Variants in GALNT18 observed in about 807,000 individuals in gnomAD.
The protein encoded by GALNT18 is GalNAc-transferase 18.
In GALNT18, 44 loss-of-function variants were observed where a neutral mutation model predicts 69.5. The observed-to-expected ratio is 0.63, with a 90% CI of 0.50 to 0.81. The LOEUF (loss-of-function observed/expected upper bound fraction) is 0.81. Ranked by LOEUF, GALNT18 falls within the 40% of genes least tolerant of loss-of-function variation. GALNT18 has a pLI of 0.00. For synonymous variants in GALNT18, 364 were observed against 318.2 expected, an observed-to-expected ratio of 1.14 and a Z score of -1.53; for missense variants, 715 against 810.0, an observed-to-expected ratio of 0.88 and a Z score of 1.42.
In GALNT18 at chr11:11,621,822, T is replaced by C; in HGVS notation, c.-229A>G. On this transcript the variant is annotated 5_prime_UTR_variant, in exon 1 of 11. Coordinates refer to ENST00000227756, the MANE Select transcript of GALNT18 (RefSeq NM_198516.3). The surrounding 1 kb of genome is among the most constrained non-coding windows in gnomAD (Gnocchi z 9.3). Reference sequence around the variant, plus strand: ...ACCTTGACAAAGGAAACCAGGTGGATTTTTTTCCAAATTAAAAATCCCTGA... The same window carrying C: ...ACCTTGACAAAGGAAACCAGGTGGACTTTTTTCCAAATTAAAAATCCCTGA... The C allele has an allele frequency of 7.1e-6, 4 of 562,388 alleles. No homozygotes were observed. Among genetic ancestry groups the C allele is most frequent in the Non-Finnish European group, 1.3e-5 (4 of 316,150 alleles). 34.8% of individuals were successfully genotyped at this position (562,388 alleles called of 1,614,324 possible). A position where few individuals can be genotyped will look rare whatever the true frequency, so the allele number is the denominator to read the frequency against.
In GALNT18 at chr11:11,404,027, CA is replaced by C. The variant is rs1247644377; in HGVS notation, c.596-24764del. Among the ~76,000 whole-genome samples the C allele has an allele frequency of 4.6e-5, 7 of 152,232 alleles. No individual in the cohort carries two copies. The highest frequency in any genetic ancestry group is 2.0e-4 in the Admixed American group (3 of 15,286). On this transcript the variant is annotated intron_variant, in intron 3 of 10. Transcript: ENST00000227756. This position sits in a 1 kb window ranked among gnomAD's most constrained non-coding sequence, Gnocchi z 4.5. ...TCATGTGCAGTGGGCAGGATCCAGG[CA>C]GCCTGGCTCTTCTGAGGGAGCTGTG...
chr11:11,277,269 TTTC>T (rs2132979333), intron 10 of GALNT18, among the ~76,000 whole-genome samples: 1 of 152,358 alleles, frequency 6.6e-6, no homozygotes, highest in South Asian at 2.1e-4. Context: ...AATTTATCCA[TTTC>T]TTCTAGATTT....
chr11:11,403,596 G>T (rs1854516631), intron 3 of GALNT18, among the ~76,000 whole-genome samples: 2 of 152,192 alleles, frequency 1.3e-5, no homozygotes, highest in South Asian at 4.2e-4. Context: ...TTCTCCTTCT[G>T]AAAGTCCCCA....
At position 11,603,989 on chromosome 11, in the gene GALNT18, T is replaced by C. The variant is rs934237496; in HGVS notation, c.235+17370A>G. ...GAGGGTGGACCCTCATGAATGGGAT[T>C]ACTGTTCTTATGAAAGGAACCTCAG... is the stretch of plus-strand genomic sequence containing the variant. On this transcript the variant is annotated intron_variant, in intron 1 of 10. Transcript: ENST00000227756. The surrounding 1 kb of genome is among the most constrained non-coding windows in gnomAD (Gnocchi z 4.5). Among the ~76,000 whole-genome samples, 19 of 152,262 alleles carry C rather than the reference T, an allele frequency of 1.2e-4. No homozygotes were observed. The highest frequency in any genetic ancestry group is 2.6e-4 in the Non-Finnish European group (18 of 68,024).
intron 9 of GALNT18, among the ~76,000 whole-genome samples, chr11:11,317,591 T>C (rs563200239): frequency 1.9e-4 from 29 of 152,338 alleles, no homozygotes; most frequent in Admixed American, 6.5e-4. Context: ...TTATTTGTTT[T>C]TGCTTGTTGA....
chr11:11,442,282 T>G (rs187032745), intron 2 of GALNT18, among the ~76,000 whole-genome samples: 1 of 152,308 alleles, frequency 6.6e-6, no homozygotes. Context: ...GCCCTTGGGG[T>G]TAGATTGGGC....
Position 11,432,526 on chromosome 11 carries a change from A to T in GALNT18, c.595+95T>A. 1 of 1,260,650 alleles carries T rather than the reference A, an allele frequency of 7.9e-7. No individual in the cohort carries two copies. The allele number at this position is 1,260,650 out of a possible 1,614,324, so 78.1% of individuals were successfully genotyped here. Reference sequence around the variant, plus strand: ...TGCTCCAGAGAAAGAGCAGCCACAGACAGCCTTGAGCAAATGTGAACCACG... The same window carrying T: ...TGCTCCAGAGAAAGAGCAGCCACAGTCAGCCTTGAGCAAATGTGAACCACG... On this transcript the variant is annotated intron_variant, in intron 3 of 10. Transcript: ENST00000227756. The surrounding 1 kb of genome is among the most constrained non-coding windows in gnomAD (Gnocchi z 5.8).
Position 11,551,846 on chromosome 11 carries a change from T to G in GALNT18, c.235+69513A>C, listed in dbSNP as rs577622210. Among the ~76,000 whole-genome samples the G allele has an allele frequency of 8.3e-4, 127 of 152,098 alleles. 1 individual carries two copies. Among genetic ancestry groups the G allele is most frequent in the African/African-American group, 3.0e-3 (124 of 41,496 alleles). On this transcript the variant is annotated intron_variant, in intron 1 of 10. Coordinates refer to ENST00000227756, the MANE Select transcript of GALNT18 (RefSeq NM_198516.3). ...ATAGGTTTTGGGATAGGCGGTGGAG[T>G]TAGGAGCAATGTTCTGCGAGCAGGG... is the stretch of plus-strand genomic sequence containing the variant.
At chr11:11,405,802 G>A (rs80043204) in intron 3 of GALNT18, among the ~76,000 whole-genome samples, 3,100 of 152,320 alleles carry the variant, frequency 0.02, 95 homozygotes, top group African/African-American at 0.071. Context: ...CTCATGCAGC[G>A]ATGGGTAAGA....
intron 9 of GALNT18, among the ~76,000 whole-genome samples, chr11:11,326,232 G>C (rs1849915637): frequency 6.6e-6 from 1 of 151,976 alleles, no homozygotes; most frequent in South Asian, 2.1e-4. Flanking sequence ...TTTTAGTAGA[G>C]ATGGGGTTTC....
Position 11,549,225 on chromosome 11 carries a change from A to G in GALNT18, c.235+72134T>C, listed in dbSNP as rs113824710. 8.1e-3 allele frequency among the ~76,000 whole-genome samples: 1,231 copies of G among 152,346 alleles called. 4 individuals are homozygous for G. Among genetic ancestry groups the G allele is most frequent in the Middle Eastern group, 0.017 (5 of 294 alleles). On this transcript the variant is annotated intron_variant, in intron 1 of 10. Coordinates refer to ENST00000227756, the MANE Select transcript of GALNT18 (RefSeq NM_198516.3). ...GCTCAGGTTGAGGATGACAGCAACA[A>G]GCTAAAAAGGGCCCAGGCCTGTGAT...
At position 11,314,712 on chromosome 11, in the gene GALNT18, G is replaced by C. The variant is rs1849722111; in HGVS notation, c.1512+12374C>G. 6.6e-6 allele frequency among the ~76,000 whole-genome samples: 1 copy of C among 152,222 alleles called. No homozygotes were observed. Among genetic ancestry groups the C allele is most frequent in the Non-Finnish European group, 1.5e-5 (1 of 68,038 alleles). On this transcript the variant is annotated intron_variant, in intron 9 of 10. Coordinates refer to ENST00000227756, the MANE Select transcript of GALNT18 (RefSeq NM_198516.3). This position sits in a 1 kb window ranked among gnomAD's most constrained non-coding sequence, Gnocchi z 5.2. The stretch of plus-strand genomic sequence containing the variant: ...AGGGATAACTGCAGGCAGGTTCCAG[G>C]GGGCAGCTGTGAAAGTCCTTTGGGC...
At chr11:11,312,372 C>T (rs1849686749) in intron 9 of GALNT18, among the ~76,000 whole-genome samples, 1 of 152,120 alleles carries the variant, frequency 6.6e-6, no homozygotes, top group African/African-American at 2.4e-5. Flanking sequence ...ATACTGAATT[C>T]TTACAATAAA....
rs573199674 is a variant in GALNT18, at chr11:11,502,548, G to A, written c.236-53612C>T. Among the ~76,000 whole-genome samples the A allele has an allele frequency of 3.9e-5, 6 of 152,326 alleles. No homozygotes were observed. The East Asian group carries it at 1.2e-3, about 29-fold the overall frequency. On this transcript the variant is annotated intron_variant, in intron 1 of 10. Coordinates refer to ENST00000227756, the MANE Select transcript of GALNT18 (RefSeq NM_198516.3). ...CAGCCTGAGTGGAGAAACCAGATGT[G>A]GGCCAGTGTCAGCAGCAGAGATGGT...
rs768456737 is a variant in GALNT18 at position 11,605,318 on chromosome 11, G to T, written c.235+16041C>A. On this transcript the variant is annotated intron_variant, in intron 1 of 10. Coordinates refer to ENST00000227756, the MANE Select transcript of GALNT18 (RefSeq NM_198516.3). This position sits in a 1 kb window ranked among gnomAD's most constrained non-coding sequence, Gnocchi z 4.7. ...CCATCTCCTCAAGGGATTTCCACAG[G>T]CAAGCAAGAAACACCCTCTTCTGAT... is the stretch of plus-strand genomic sequence containing the variant. 4.3e-4 allele frequency among the ~76,000 whole-genome samples: 65 copies of T among 152,146 alleles called. No homozygotes were observed. The highest frequency in any genetic ancestry group is 3.8e-4 in the Non-Finnish European group (26 of 68,022).
At position 11,459,152 on chromosome 11, in the gene GALNT18, T is replaced by C. The variant is rs185684904; in HGVS notation, c.236-10216A>G. ...AAGTGCCCTAATAATGGTAAGTAAA[T>C]GCACTATTCTGTTGATGGAGGGCTT... On this transcript the variant is annotated intron_variant, in intron 1 of 10. Coordinates refer to ENST00000227756, the MANE Select transcript of GALNT18 (RefSeq NM_198516.3). This position sits in a 1 kb window ranked among gnomAD's most constrained non-coding sequence, Gnocchi z 5.0. Among the ~76,000 whole-genome samples, 18 of 152,264 alleles carry C rather than the reference T, an allele frequency of 1.2e-4. No homozygotes were observed. The highest frequency in any genetic ancestry group is 9.8e-4 in the Admixed American group (15 of 15,302).
intron 1 of GALNT18, among the ~76,000 whole-genome samples, chr11:11,593,058 G>T (rs563418719): frequency 6.6e-6 from 1 of 152,150 alleles, no homozygotes; most frequent in African/African-American, 2.4e-5. Flanking sequence ...TGGGACTACA[G>T]GCACCCCCCA....
intron 10 of GALNT18, among the ~76,000 whole-genome samples, chr11:11,280,710 C>T (rs969588514): frequency 3.9e-5 from 6 of 152,202 alleles, no homozygotes; most frequent in African/African-American, 1.4e-4. Context: ...TCAGGACTGA[C>T]CACAGTGCCC....
At chr11:11,585,598 C>T (rs560403663) in intron 1 of GALNT18, among the ~76,000 whole-genome samples, 8 of 152,136 alleles carry the variant, frequency 5.3e-5, no homozygotes, top group Middle Eastern at 3.4e-3. Context: ...TCAGGTGATC[C>T]GCCCACCTTG....
Sources: gnomAD v4.1 joint callset for allele counts (sites outside exome capture counted in the v4.1 genomes callset) on GRCh38, gnomAD v4.1.1 for gene constraint, Gnocchi (gnomAD v3.1) non-coding constraint, MANE v1.5 for transcripts, NCBI Gene and HGNC (gene_info 2026-07-23, HGNC 2026-07-21) for gene names.